Variants in C10orf90 observed in about 807,000 individuals in gnomAD.
C10orf90 encodes (E2-independent) E3 ubiquitin-conjugating enzyme FATS.
A neutral mutation model predicts 62.5 loss-of-function variants in C10orf90; 56 were observed. The observed-to-expected ratio is 0.90, with a 90% confidence interval of 0.72 to 1.12. The LOEUF (loss-of-function observed/expected upper bound fraction) is 1.12, where lower values mean the gene tolerates loss of function less well. Ranked by LOEUF, C10orf90 falls within the 50% of genes most tolerant of loss-of-function variation. The pLI, the probability that C10orf90 is intolerant of heterozygous loss-of-function variation, is 0.00. For synonymous variants in C10orf90, 386 were observed against 340.4 expected, an observed-to-expected ratio of 1.13 and a Z score of -1.47; for missense variants, 970 against 880.4, an observed-to-expected ratio of 1.10 and a Z score of -1.29.
rs1276019245 is a variant in C10orf90, at chr10:126,474,142, A to G, written c.1535-9156T>C. Among the ~76,000 whole-genome samples, 3 of 152,184 alleles carry G rather than the reference A, an allele frequency of 2.0e-5. No homozygotes were observed. In the East Asian group the frequency reaches 5.8e-4, roughly 29 times the overall value. Reference sequence around the variant, plus strand: ...TGTAACCAGTTCCCAAGTGGTTCACATGCATGTCCACATCTGAGGAGCAGG... The same window carrying G: ...TGTAACCAGTTCCCAAGTGGTTCACGTGCATGTCCACATCTGAGGAGCAGG... On this transcript the variant is annotated intron_variant, in intron 4 of 9. Transcript: ENST00000488181.
chr10:126,649,419 G>A (rs1486236432), intron 1 of C10orf90, among the ~76,000 whole-genome samples: 1 of 151,918 alleles, frequency 6.6e-6, no homozygotes, highest in African/African-American at 2.4e-5. Flanking sequence ...CACTCACTGG[G>A]CATCTCTCTC....
At chr10:126,516,144 C>A (rs1392737507) in intron 2 of C10orf90, among the ~76,000 whole-genome samples, 1 of 152,196 alleles carries the variant, frequency 6.6e-6, no homozygotes, top group African/African-American at 2.4e-5. Flanking sequence ...CCAGGCCGAC[C>A]TACAGTGGAT....
At chr10:126,665,572 G>A (rs1846609805) in intron 1 of C10orf90, among the ~76,000 whole-genome samples, 2 of 152,148 alleles carry the variant, frequency 1.3e-5, no homozygotes, top group African/African-American at 4.8e-5. Flanking sequence ...TCTTCTTCCA[G>A]CCATGATAGA....
intron 2 of C10orf90, among the ~76,000 whole-genome samples, chr10:126,614,464 G>A (rs1282771648): frequency 6.6e-6 from 1 of 152,152 alleles, no homozygotes; most frequent in Non-Finnish European, 1.5e-5. Context: ...ATGGCAACAT[G>A]TATCACCTTC....
chr10:126,670,252 T>G lies in C10orf90; in HGVS notation c.229A>C (p.Ser77Arg), dbSNP rs1358586299. 1 of 456,612 alleles carries G rather than the reference T, an allele frequency of 2.2e-6. No homozygotes were observed. The highest frequency in any genetic ancestry group is 2.0e-5 in the African/African-American group (1 of 50,066). The allele number at this position is 456,612 out of a possible 1,614,324, so 28.3% of individuals were successfully genotyped here. A position where few individuals can be genotyped will look rare whatever the true frequency, so the allele number is the denominator to read the frequency against. ...AGGCTCAGCCATACCTCATATCTGC[T>G]GGCTGTCTGCTCAGCCGTCTTCAAG... ...QGLKTAEQTA[S>R]RYEIHSRLFS... Residue 77 changes from serine to arginine, a missense_variant, in exon 1 of 10, where the codon AGC becomes CGC. Physicochemically the swap from Ser to Arg is moderately radical, Grantham distance 110. Transcript: ENST00000488181.
At chr10:126,654,174 C>T (rs1038173182) in intron 1 of C10orf90, among the ~76,000 whole-genome samples, 1 of 152,174 alleles carries the variant, frequency 6.6e-6, no homozygotes, top group Non-Finnish European at 1.5e-5. Context: ...GCTTCATTAT[C>T]CCTAACAAGA....
At position 126,622,140 on chromosome 10, in the gene C10orf90, C is replaced by T. The variant is rs564176472; in HGVS notation, c.313+24425G>A. On this transcript the variant is annotated intron_variant, in intron 2 of 9. Transcript: ENST00000488181. ...CTGTCTGCAGGGATCATATCTGGTT[C>T]GTTCTTATGCGACTCCCACCCTTCA... Among the ~76,000 whole-genome samples, 7 of 152,254 alleles carry T rather than the reference C, an allele frequency of 4.6e-5. No individual in the cohort carries two copies. In the East Asian group the frequency reaches 1.4e-3, roughly 29 times the overall value.
At chr10:126,652,184 G>A (rs1846304066) in intron 1 of C10orf90, among the ~76,000 whole-genome samples, 1 of 152,146 alleles carries the variant, frequency 6.6e-6, no homozygotes, top group Admixed American at 6.5e-5. Flanking sequence ...TCAAAACTGA[G>A]ATTTATTGCT....
intron 3 of C10orf90, 122 bp from the exon 4 acceptor site, chr10:126,505,207 A>G (rs1862661558): frequency 9.8e-7 from 1 of 1,022,766 alleles, no homozygotes; most frequent in Non-Finnish European, 1.4e-6. Flanking sequence ...TGTCTTGTCC[A>G]AGGCTTTTTA....
chr10:126,583,782 CA>C (rs1055331618), intron 2 of C10orf90, among the ~76,000 whole-genome samples: 1 of 152,142 alleles, frequency 6.6e-6, no homozygotes, highest in Non-Finnish European at 1.5e-5. Flanking sequence ...TTCCCAGTGC[CA>C]AATGGCCTAG....
At chr10:126,667,965 T>C (rs964889699) in intron 1 of C10orf90, among the ~76,000 whole-genome samples, 3 of 152,160 alleles carry the variant, frequency 2.0e-5, no homozygotes, top group African/African-American at 7.2e-5. Context: ...TAACTTTCAG[T>C]GCAGCAGGCT....
At chr10:126,625,853 G>A (rs889619371) in intron 2 of C10orf90, among the ~76,000 whole-genome samples, 1 of 152,096 alleles carries the variant, frequency 6.6e-6, no homozygotes, top group African/African-American at 2.4e-5. Context: ...AGTGGCTCAC[G>A]CCTGTAATCC....
intron 1 of C10orf90, among the ~76,000 whole-genome samples, chr10:126,668,807 A>C (rs913618532): frequency 1.1e-4 from 17 of 152,130 alleles, no homozygotes; most frequent in Non-Finnish European, 2.2e-4. Flanking sequence ...TGTCAATAGT[A>C]GCAGCGTATT....
chr10:126,440,777 C>G (rs1402848618), intron 7 of C10orf90, among the ~76,000 whole-genome samples: 1 of 152,020 alleles, frequency 6.6e-6, no homozygotes, highest in Non-Finnish European at 1.5e-5. Context: ...GTGGCTGGAC[C>G]CAGAAGAGAG....
At chr10:126,586,900 G>T (rs1186921583) in intron 2 of C10orf90, among the ~76,000 whole-genome samples, 2 of 152,160 alleles carry the variant, frequency 1.3e-5, no homozygotes, top group Non-Finnish European at 2.9e-5. Flanking sequence ...AAAATAGTCC[G>T]AGATGATGGG....
At chr10:126,484,242 T>A (rs1455982285) in intron 4 of C10orf90, among the ~76,000 whole-genome samples, 1 of 152,214 alleles carries the variant, frequency 6.6e-6, no homozygotes, top group Non-Finnish European at 1.5e-5. Context: ...TTCATCATTA[T>A]TTTGAGTCGT....
At chr10:126,574,463 A>G (rs1398022827) in intron 2 of C10orf90, among the ~76,000 whole-genome samples, 1 of 152,126 alleles carries the variant, frequency 6.6e-6, no homozygotes, top group Non-Finnish European at 1.5e-5. Flanking sequence ...AAATAATTTC[A>G]TAAGATGGAA....
intron 4 of C10orf90, among the ~76,000 whole-genome samples, chr10:126,499,346 A>G (rs1240886762): frequency 1.3e-5 from 2 of 152,184 alleles, no homozygotes; most frequent in African/African-American, 4.8e-5. Context: ...AGCCAAACAC[A>G]TATTTTCAAT....
intron 2 of C10orf90, among the ~76,000 whole-genome samples, chr10:126,525,575 T>G (rs1370849288): frequency 6.6e-6 from 1 of 152,102 alleles, no homozygotes; most frequent in Non-Finnish European, 1.5e-5. Context: ...AAAGCCCAAG[T>G]TGTAAATCTC....
Sources: allele counts gnomAD v4.1 joint callset (sites outside exome capture counted in the v4.1 genomes callset), GRCh38; gene constraint gnomAD v4.1.1; transcripts MANE v1.5; gene names NCBI Gene and HGNC (gene_info 2026-07-23, HGNC 2026-07-21).